The following MED12L variants were observed in gnomAD, a reference collection of about 807,000 sequenced individuals.
MED12L encodes the protein mediator complex subunit 12L.
In MED12L, 60 loss-of-function variants were observed where a neutral mutation model predicts 281.3. The ratio of observed to expected loss-of-function variants is 0.21; its 90% CI spans 0.17 to 0.26. The LOEUF (loss-of-function observed/expected upper bound fraction) is 0.26, where lower values mean the gene tolerates loss of function less well. MED12L is among the 10% of genes least tolerant of loss of function. The probability of loss-of-function intolerance (pLI) is 1.00; values close to 1 mark genes in which losing one functional copy is unlikely to be tolerated. For missense variants in MED12L, 2,146 were observed against 2,680.9 expected, an observed-to-expected ratio of 0.80 and a Z score of 4.41; for synonymous variants, 974 against 987.2, an observed-to-expected ratio of 0.99 and a Z score of 0.25.
chr3:151,409,793 C>A (rs895641470), intron 40 of MED12L, among the ~76,000 whole-genome samples: 2 of 151,896 alleles, frequency 1.3e-5, no homozygotes, highest in African/African-American at 2.4e-5. Flanking sequence ...TCAGTCTCTA[C>A]AAAAGAAAAT....
At chr3:151,371,008 G>C (rs1362292599) in intron 26 of MED12L, among the ~76,000 whole-genome samples, 1 of 152,142 alleles carries the variant, frequency 6.6e-6, no homozygotes, top group Non-Finnish European at 1.5e-5. Context: ...GGCACTGAAC[G>C]CTCAAATGTA....
chr3:151,219,199 G>A (rs190223773), intron 16 of MED12L, among the ~76,000 whole-genome samples: 229 of 152,276 alleles, frequency 1.5e-3, no homozygotes, highest in African/African-American at 5.4e-3. Context: ...TAATATCTTA[G>A]GATTGTGCTG....
At chr3:151,270,892 C>G (rs1243384091) in intron 16 of MED12L, among the ~76,000 whole-genome samples, 2 of 152,012 alleles carry the variant, frequency 1.3e-5, no homozygotes, top group Non-Finnish European at 2.9e-5. Context: ...TACTTTTGTA[C>G]CTGTCTATTT....
chr3:151,269,993 G>T (rs908802045), intron 16 of MED12L: 5 of 269,622 alleles, frequency 1.9e-5, no homozygotes, highest in Non-Finnish European at 3.6e-5. Flanking sequence ...TTTCAATATG[G>T]ATGATGAAGA....
At chr3:151,354,410 G>A (rs768895708) in intron 17 of MED12L, among the ~76,000 whole-genome samples, 9 of 151,936 alleles carry the variant, frequency 5.9e-5, no homozygotes, top group Non-Finnish European at 1.0e-4. Context: ...CTTCATTAAT[G>A]TGGAATGATT....
intron 44 of MED12L, 130 bp from the exon 45 acceptor site, chr3:151,432,622 G>T (rs1719661581): frequency 1.5e-6 from 1 of 680,160 alleles, no homozygotes. Context: ...TCAGGGCAAG[G>T]ATAGTACTCT....
intron 11 of MED12L, among the ~76,000 whole-genome samples, chr3:151,176,231 C>T (rs1439582886): frequency 2.6e-5 from 4 of 152,012 alleles, no homozygotes. Flanking sequence ...TTAGTTTGCT[C>T]AACTGTAAAA....
chr3:151,212,640 A>T (rs996651792), intron 16 of MED12L: 11 of 152,142 alleles, frequency 7.2e-5, no homozygotes, highest in African/African-American at 2.7e-4. Flanking sequence ...TAGAAAACAT[A>T]TTTAGCATGT....
chr3:151,251,353 C>G (rs1736821016), intron 16 of MED12L, among the ~76,000 whole-genome samples: 1 of 152,128 alleles, frequency 6.6e-6, no homozygotes, highest in African/African-American at 2.4e-5. Flanking sequence ...CTCATCCATT[C>G]CTAGCCAGTC....
chr3:151,087,439 G>T (rs530222176), intron 2 of MED12L, among the ~76,000 whole-genome samples: 11 of 152,332 alleles, frequency 7.2e-5, no homozygotes, highest in African/African-American at 2.4e-4. Context: ...CTTGCGTTTT[G>T]CTTTTGCTGG....
chr3:151,400,546 G>A (rs941667419), intron 39 of MED12L, among the ~76,000 whole-genome samples: 4 of 152,264 alleles, frequency 2.6e-5, no homozygotes, highest in South Asian at 2.1e-4. Flanking sequence ...GTTATCCACC[G>A]TGGAGCAGGT....
chr3:151,322,922 C>T (rs1300942720), intron 16 of MED12L, among the ~76,000 whole-genome samples: 1 of 148,156 alleles, frequency 6.7e-6, no homozygotes, highest in Non-Finnish European at 1.5e-5. Flanking sequence ...ATTTTTGGAG[C>T]CTGGGTCCAT....
At chr3:151,361,430 G>GA (rs34328280) in intron 21 of MED12L, among the ~76,000 whole-genome samples, 110,046 of 151,674 alleles carry the variant, frequency 0.73, 40,301 homozygotes, top group South Asian at 0.83. Flanking sequence ...TTCCTGGTAT[G>GA]AAAAAAATAG....
At chr3:151,294,390 C>A (rs1266016066) in intron 16 of MED12L, 2 of 1,614,006 alleles carry the variant, frequency 1.2e-6, no homozygotes, top group Non-Finnish European at 1.7e-6. Context: ...TGTGCAGATT[C>A]ATCTAAAAGC....
intron 20 of MED12L, among the ~76,000 whole-genome samples, chr3:151,359,545 C>G (rs1754354330): frequency 6.6e-6 from 1 of 152,120 alleles, no homozygotes; most frequent in Admixed American, 6.6e-5. Flanking sequence ...CTGAATAGTA[C>G]AGAGGAGTTT....
At chr3:151,198,436 A>G (rs561174290) in intron 16 of MED12L, 1 of 1,601,298 alleles carries the variant, frequency 6.2e-7, no homozygotes, top group South Asian at 1.1e-5. Context: ...TTTATGCATT[A>G]TTTTCACATC....
At chr3:151,402,270 A>G (rs1348464224) in intron 39 of MED12L, among the ~76,000 whole-genome samples, 2 of 152,208 alleles carry the variant, frequency 1.3e-5, no homozygotes, top group Admixed American at 6.5e-5. Context: ...TGGCATTTGA[A>G]TATATAAATG....
chr3:151,392,492 A>G (rs1714391494), intron 38 of MED12L, among the ~76,000 whole-genome samples: 1 of 144,940 alleles, frequency 6.9e-6, no homozygotes. Flanking sequence ...AAAAAAAAGT[A>G]AAAATAAATA....
chr3:151,255,443 G>T (rs1326172314), intron 16 of MED12L, among the ~76,000 whole-genome samples: 2 of 151,788 alleles, frequency 1.3e-5, no homozygotes, highest in Non-Finnish European at 2.9e-5. Context: ...AGCAGAAAAG[G>T]CCAGGGGGAG....
Sources: gnomAD v4.1 joint callset for allele counts (sites outside exome capture counted in the v4.1 genomes callset) on GRCh38, gnomAD v4.1.1 for gene constraint, MANE v1.5 for transcripts, NCBI Gene and HGNC (gene_info 2026-07-23, HGNC 2026-07-21) for gene names.